Variants in ABCC12 observed in about 807,000 individuals in gnomAD.
ABCC12 encodes ATP binding cassette subfamily C member 12.
A neutral mutation model predicts 151.1 loss-of-function variants in ABCC12; 142 were observed. The observed-to-expected ratio is 0.94, with a 90% CI of 0.82 to 1.08. The LOEUF is 1.08. Ranked by LOEUF, ABCC12 falls within the 50% of genes least tolerant of loss-of-function variation. The pLI is 0.00. For missense variants in ABCC12, 1,638 were observed against 1,691.1 expected, an observed-to-expected ratio of 0.97 and a Z score of 0.55; for synonymous variants, 645 against 646.4, an observed-to-expected ratio of 1.00 and a Z score of 0.03.
rs542194065 is a variant in ABCC12, at chr16:48,081,701, GTTC to G, written c.*2011_*2013del. Among the ~76,000 whole-genome samples, 70 of 152,334 alleles carry G rather than the reference GTTC, an allele frequency of 4.6e-4. No homozygotes were observed. The highest frequency in any genetic ancestry group is 2.3e-3 in the East Asian group (12 of 5,186). On this transcript the variant is annotated 3_prime_UTR_variant, in exon 31 of 31. Coordinates refer to ENST00000311303, the MANE Select transcript of ABCC12 (RefSeq NM_001393797.1). ...AGTAGACATCAGGATCAATGTCGGT[GTTC>G]TTCTTCTGCCAGAGTAAACCAAAGC...
At chr16:48,106,420 G>A (rs1293745025) in intron 20 of ABCC12, among the ~76,000 whole-genome samples, 1 of 152,222 alleles carries the variant, frequency 6.6e-6, no homozygotes, top group Non-Finnish European at 1.5e-5. Flanking sequence ...CACCATGGCT[G>A]CATGCTTAAT....
chr16:48,134,388 A>C (rs1416721179), intron 8 of ABCC12, among the ~76,000 whole-genome samples: 1 of 152,214 alleles, frequency 6.6e-6, no homozygotes, highest in East Asian at 1.9e-4. Flanking sequence ...CTTGATAAGC[A>C]AGAAGGTAAC....
rs1964807796 is a variant in ABCC12, at chr16:48,141,344, G to T, written c.285C>A (p.Val95=). The T allele has an allele frequency of 1.9e-6, 3 of 1,613,952 alleles. No individual in the cohort carries two copies. The East Asian group carries it at 6.7e-5, about 36-fold the overall frequency. The stretch of plus-strand genomic sequence containing the variant: ...CCCTTGCTACCTCTTCATCCCAAAG[G>T]ACTCGAAATCTGTGATGAAAAAACA... ...SSDTNAKRFR[V]LWDEEVARVG... The change falls in exon 5 of 31, where the codon GTC becomes GTA. Residue 95 remains valine (V), a synonymous_variant. Transcript: ENST00000311303.
chr16:48,120,305 T>C (rs1964023225), intron 13 of ABCC12, among the ~76,000 whole-genome samples: 1 of 152,102 alleles, frequency 6.6e-6, no homozygotes, highest in Non-Finnish European at 1.5e-5. Flanking sequence ...CAAGAGGCAG[T>C]GGGAATTCCA....
At chr16:48,124,376 G>T in intron 11 of ABCC12, 92 bp from the exon 12 acceptor site, 1 of 1,303,920 alleles carries the variant, frequency 7.7e-7, no homozygotes, top group Non-Finnish European at 1.1e-6. Flanking sequence ...ATGCTGGTCA[G>T]GCCAGGCGGA....
Position 48,111,617 on chromosome 16 carries a change from C to G in ABCC12, c.2170G>C (p.Glu724Gln), listed in dbSNP as rs944801482. Residue 724 changes from glutamate to glutamine, a missense_variant, in exon 17 of 31, where the codon GAG becomes CAG. Coordinates refer to ENST00000311303, the MANE Select transcript of ABCC12 (RefSeq NM_001393797.1). ...TCTTCCTCTCTCTCAGCAGGGCTCT[C>G]CTTGAAGGCTTCCACCATTGCTGCA... The part of the protein sequence containing the change: ...YNAAMVEAFK[E>Q]SPAEREEDAG... The G allele has an allele frequency of 7.4e-6, 12 of 1,614,070 alleles. No individual in the cohort carries two copies. The highest frequency in any genetic ancestry group is 8.5e-6 in the Non-Finnish European group (10 of 1,180,042).
Position 48,130,865 on chromosome 16 carries a change from T to C in ABCC12, c.1159A>G (p.Met387Val). 1.2e-6 allele frequency: 2 copies of C among 1,613,504 alleles called. No homozygotes were observed. The highest frequency in any genetic ancestry group is 1.7e-6 in the Non-Finnish European group (2 of 1,179,580). Reference sequence around the variant, plus strand: ...GGCAAGATTGCAATGGAAAACTTCATTACATTAAACATGGCAATCACACTA... The same window carrying C: ...GGCAAGATTGCAATGGAAAACTTCACTACATTAAACATGGCAATCACACTA... ...AFSVIAMFNV[M>V]KFSIAILPFS... The change falls in exon 10 of 31, where the codon ATG (methionine) becomes GTG (valine). Residue 387 changes from methionine to valine, a missense_variant. Transcript: ENST00000311303.
intron 2 of ABCC12, among the ~76,000 whole-genome samples, chr16:48,151,073 C>T (rs1274140336): frequency 6.6e-6 from 1 of 151,964 alleles, no homozygotes; most frequent in Non-Finnish European, 1.5e-5. Flanking sequence ...GAGTATAGTA[C>T]CATATGGAAA....
chr16:48,126,395 G>A (rs1964240414), intron 11 of ABCC12, among the ~76,000 whole-genome samples: 1 of 152,122 alleles, frequency 6.6e-6, no homozygotes, highest in African/African-American at 2.4e-5. Context: ...CTGGGCTTCG[G>A]GATAACGACA....
chr16:48,124,288 C>T lies in ABCC12; in HGVS notation c.1516-4G>A, dbSNP rs1197701682. On this transcript the variant is annotated splice_polypyrimidine_tract_variant and splice_region_variant and intron_variant, in intron 11 of 30. Transcript: ENST00000311303. Reference sequence around the variant, plus strand: ...CACATATTCCCAAGATCTTCCCCTGCCAGAGAAACAGAGATGGGACACAGT... The same window carrying T: ...CACATATTCCCAAGATCTTCCCCTGTCAGAGAAACAGAGATGGGACACAGT... 3.1e-6 allele frequency: 5 copies of T among 1,613,824 alleles called. No individual in the cohort carries two copies. Among genetic ancestry groups the T allele is most frequent in the South Asian group, 1.1e-5 (1 of 91,086 alleles).
Position 48,132,897 on chromosome 16 carries a change from G to C in ABCC12, c.1128+790C>G, listed in dbSNP as rs185098696. Reference sequence around the variant, plus strand: ...TGCAGATTACAAAACCGAGGCCAGAGAGGCTCAATGATTTGCTATAAGTCA... The same window carrying C: ...TGCAGATTACAAAACCGAGGCCAGACAGGCTCAATGATTTGCTATAAGTCA... On this transcript the variant is annotated intron_variant, in intron 9 of 30. Coordinates refer to ENST00000311303, the MANE Select transcript of ABCC12 (RefSeq NM_001393797.1). Among the ~76,000 whole-genome samples the C allele has an allele frequency of 1.7e-3, 252 of 152,268 alleles. 2 individuals are homozygous for C. Among genetic ancestry groups the C allele is most frequent in the Non-Finnish European group, 2.4e-4 (16 of 68,024 alleles).
chr16:48,140,551 CA>C (rs1964768512), intron 6 of ABCC12, 135 bp downstream of exon 6: 1 of 826,330 alleles, frequency 1.2e-6, no homozygotes, highest in African/African-American at 1.7e-5. Flanking sequence ...CTCACTTAGC[CA>C]GGAGATGGGA....
In ABCC12 at chr16:48,088,679, C is replaced by T; in HGVS notation, c.3341G>A (p.Trp1114Ter). Residue 1114 changes from tryptophan (W) to a stop codon, truncating the protein, a stop_gained, in exon 26 of 31, where the codon TGG (tryptophan) becomes TAG (stop). Coordinates refer to ENST00000311303, the MANE Select transcript of ABCC12 (RefSeq NM_001393797.1). LOFTEE classifies it high-confidence loss of function. The part of the protein sequence containing the change: ...PLKVGTCPKD[W>*]PSRGEITFRD... ...GAAGGTGATCTCCCCACGGCTGGGC[C>T]AGTCCTTGGGACAGGTCCCCACTTT... 1 of 1,614,184 alleles carries T rather than the reference C, an allele frequency of 6.2e-7. No individual in the cohort carries two copies.
chr16:48,116,357 C>T (rs1963883653), intron 14 of ABCC12, among the ~76,000 whole-genome samples: 1 of 152,170 alleles, frequency 6.6e-6, no homozygotes, highest in African/African-American at 2.4e-5. Flanking sequence ...TACATAATAG[C>T]AGCAGCAAGC....
chr16:48,141,106 A>G (rs946414344), intron 5 of ABCC12, 100 bp downstream of exon 5: 4 of 1,510,498 alleles, frequency 2.6e-6, no homozygotes, highest in Non-Finnish European at 3.6e-6. Flanking sequence ...AAAGATAATG[A>G]CAATGCACTA....
intron 2 of ABCC12, 39 bp from the exon 3 acceptor site, chr16:48,146,513 G>A: frequency 2.8e-6 from 3 of 1,068,166 alleles, no homozygotes; most frequent in Admixed American, 1.8e-5. Context: ...GAGAGGTGAG[G>A]ATGTCTGATT....
intron 24 of ABCC12, among the ~76,000 whole-genome samples, chr16:48,092,433 G>A (rs140168575): frequency 1.3e-5 from 2 of 152,348 alleles, no homozygotes; most frequent in African/African-American, 4.8e-5. Context: ...GGTACACAGG[G>A]CTACAGAGCC....
chr16:48,115,225 G>C (rs965393775), intron 15 of ABCC12, among the ~76,000 whole-genome samples, 190 bp downstream of exon 15: 2 of 152,144 alleles, frequency 1.3e-5, no homozygotes, highest in African/African-American at 4.8e-5. Flanking sequence ...GGCCATGCAT[G>C]GAGTGGAAGA....
At chr16:48,124,097 C>T (rs1250414892) in intron 12 of ABCC12, 116 bp downstream of exon 12, 9 of 1,113,394 alleles carry the variant, frequency 8.1e-6, no homozygotes, top group Non-Finnish European at 1.2e-5. Flanking sequence ...TTGTGAACCA[C>T]ATGCACAGTG....
Sources: allele counts gnomAD v4.1 joint callset (sites outside exome capture counted in the v4.1 genomes callset), GRCh38; gene constraint gnomAD v4.1.1; transcripts MANE v1.5; gene names NCBI Gene and HGNC (gene_info 2026-07-23, HGNC 2026-07-21).